PDSS2: variants seen among roughly 807,000 people sequenced by gnomAD.
PDSS2 encodes all trans-polyprenyl-diphosphate synthase PDSS2.
Under a neutral mutation model 44.5 loss-of-function variants are expected in PDSS2, and 31 were observed. That is an observed-to-expected ratio of 0.70 (90% CI 0.52 to 0.94). PDSS2 has a LOEUF of 0.94. Ranked by LOEUF, PDSS2 falls within the 40% of genes least tolerant of loss-of-function variation. The pLI is 0.00. For missense variants in PDSS2, 452 were observed against 482.2 expected (o/e 0.94, Z 0.59); for synonymous variants, 157 against 180.3 (o/e 0.87, Z 1.03).
chr6:107,293,822 A>T (rs1776423135), intron 2 of PDSS2, among the ~76,000 whole-genome samples: 1 of 152,182 alleles, frequency 6.6e-6, no homozygotes, highest in Non-Finnish European at 1.5e-5. Context: ...AGAAGAAAAG[A>T]TGTGTGATAG....
chr6:107,445,520 A>G (rs1424706387), intron 1 of PDSS2, among the ~76,000 whole-genome samples: 2 of 152,228 alleles, frequency 1.3e-5, no homozygotes, highest in African/African-American at 2.4e-5. Context: ...CATCAAATGC[A>G]TAAATATTCA....
intron 1 of PDSS2, among the ~76,000 whole-genome samples, chr6:107,364,992 C>G (rs181186852): frequency 1.3e-5 from 2 of 152,176 alleles, no homozygotes; most frequent in African/African-American, 4.8e-5. Flanking sequence ...CCCTGCAAAA[C>G]TTTCCTTCAA....
chr6:107,198,989 C>T (rs1772667049), intron 6 of PDSS2, among the ~76,000 whole-genome samples: 1 of 152,076 alleles, frequency 6.6e-6, no homozygotes, highest in Admixed American at 6.5e-5. Flanking sequence ...GAATGAGACC[C>T]TGTCTCAAAA....
At chr6:107,304,288 C>G (rs1776787474) in intron 2 of PDSS2, among the ~76,000 whole-genome samples, 2 of 152,250 alleles carry the variant, frequency 1.3e-5, no homozygotes, top group African/African-American at 4.8e-5. Context: ...TCAGGGTTAT[C>G]TGGGAGTTGC....
At chr6:107,263,138 AT>A (rs1410470469) in intron 3 of PDSS2, among the ~76,000 whole-genome samples, 210 of 147,260 alleles carry the variant, frequency 1.4e-3, no homozygotes, top group African/African-American at 3.6e-3. Context: ...TAGAATGCAG[AT>A]TTTTTTTTTT....
At chr6:107,197,390 C>T (rs896817258) in intron 6 of PDSS2, among the ~76,000 whole-genome samples, 22 of 145,342 alleles carry the variant, frequency 1.5e-4, no homozygotes, top group African/African-American at 3.6e-4. Context: ...AGATAGCTTA[C>T]GGTCAGGAGT....
At chr6:107,424,585 A>G (rs1218387389) in intron 1 of PDSS2, among the ~76,000 whole-genome samples, 1 of 152,148 alleles carries the variant, frequency 6.6e-6, no homozygotes, top group Non-Finnish European at 1.5e-5. Context: ...ACTTACAAGG[A>G]CAAAACTACA....
rs1554245253 is a variant in PDSS2 at position 107,154,797 on chromosome 6, T to C, written c.1042-20A>G. ...TCGCAACTGTTAAGAAACAAATGCATGATAAAAGTCAGTTTTAAAGGTACA... is the reference window on the plus strand; with the variant it reads ...TCGCAACTGTTAAGAAACAAATGCACGATAAAAGTCAGTTTTAAAGGTACA... On this transcript the variant is annotated intron_variant, in intron 7 of 7. Coordinates refer to ENST00000369037, the MANE Select transcript of PDSS2 (RefSeq NM_020381.4). 9.9e-6 allele frequency: 16 copies of C among 1,613,042 alleles called. No individual in the cohort carries two copies. Among genetic ancestry groups the C allele is most frequent in the Non-Finnish European group, 1.2e-5 (14 of 1,179,068 alleles).
intron 1 of PDSS2, among the ~76,000 whole-genome samples, chr6:107,437,697 G>A (rs1781397406): frequency 6.6e-6 from 1 of 151,878 alleles, no homozygotes; most frequent in Non-Finnish European, 1.5e-5. Flanking sequence ...CTGCACACGA[G>A]CTTCACATTC....
intron 1 of PDSS2, among the ~76,000 whole-genome samples, chr6:107,421,229 A>G (rs1415445296): frequency 6.6e-6 from 1 of 152,216 alleles, no homozygotes; most frequent in Non-Finnish European, 1.5e-5. Context: ...GATTTCTCAT[A>G]CCTTGCCAGT....
intron 2 of PDSS2, among the ~76,000 whole-genome samples, chr6:107,304,457 C>T (rs1350347497): frequency 6.6e-6 from 1 of 152,186 alleles, no homozygotes; most frequent in Non-Finnish European, 1.5e-5. Flanking sequence ...TGTATAGAGA[C>T]ACCACATAGC....
chr6:107,406,707 G>A (rs910283824), intron 1 of PDSS2, among the ~76,000 whole-genome samples: 6 of 152,188 alleles, frequency 3.9e-5, no homozygotes, highest in Non-Finnish European at 8.8e-5. Flanking sequence ...AGCTAACTAA[G>A]CCCTTCAGCT....
In PDSS2 at chr6:107,459,387, C is replaced by T. The variant is rs976943587; in HGVS notation, c.-102G>A. 20 of 934,752 alleles carry T rather than the reference C, an allele frequency of 2.1e-5. No homozygotes were observed. In the African/African-American group the frequency reaches 2.4e-4, roughly 11 times the overall value. The allele number at this position is 934,752 out of a possible 1,614,324, so 57.9% of individuals were successfully genotyped here. A position where few individuals can be genotyped will look rare whatever the true frequency, so the allele number is the denominator to read the frequency against. On this transcript the variant is annotated 5_prime_UTR_variant, in exon 1 of 8. Coordinates refer to ENST00000369037, the MANE Select transcript of PDSS2 (RefSeq NM_020381.4). This position sits in a 1 kb window ranked among gnomAD's most constrained non-coding sequence, Gnocchi z 4.3. ...ACTTACAGTAACTAAAAGGAAGCGG[C>T]AATTCTTGACCCTCAGAGTAAGGTG...
chr6:107,363,250 G>A (rs1778837360), intron 1 of PDSS2, among the ~76,000 whole-genome samples: 1 of 152,202 alleles, frequency 6.6e-6, no homozygotes, highest in African/African-American at 2.4e-5. Context: ...AACTGTTGAA[G>A]GATAAATTGT....
At chr6:107,362,617 T>A (rs1329960664) in intron 1 of PDSS2, among the ~76,000 whole-genome samples, 1 of 152,150 alleles carries the variant, frequency 6.6e-6, no homozygotes, top group African/African-American at 2.4e-5. Context: ...TCTAAAATAT[T>A]CAGTATTCAA....
chr6:107,250,859 A>AT (rs1035118645), intron 3 of PDSS2, among the ~76,000 whole-genome samples: 1,971 of 146,798 alleles, frequency 0.013, 53 homozygotes, highest in African/African-American at 0.044. Context: ...ATACAAGTAA[A>AT]TTTTTTTTTT....
chr6:107,315,486 C>T (rs1777171486), intron 2 of PDSS2, among the ~76,000 whole-genome samples: 1 of 152,158 alleles, frequency 6.6e-6, no homozygotes, highest in South Asian at 2.1e-4. Flanking sequence ...ATTTTATTAA[C>T]AGACCTCAGT....
In PDSS2 at chr6:107,455,754, CAAAAAAAA is replaced by C. The variant is rs60783838; in HGVS notation, c.296+3228_296+3235del. Among the ~76,000 whole-genome samples the C allele has an allele frequency of 3.2e-4, 18 of 55,684 alleles. No homozygotes were observed. The East Asian group carries it at 7.6e-3, about 24-fold the overall frequency. 36.5% of individuals were successfully genotyped at this position (55,684 alleles called of 152,430 possible). A position where few individuals can be genotyped will look rare whatever the true frequency, so the allele number is the denominator to read the frequency against. On this transcript the variant is annotated intron_variant, in intron 1 of 7. Coordinates refer to ENST00000369037, the MANE Select transcript of PDSS2 (RefSeq NM_020381.4). ...CTGGCGATAGAGCGAGACTCTGTCTCAAAAAAAAAAAAAAAAAAAAAAAAAAAAACTTA... is the reference window on the plus strand; with the variant it reads ...CTGGCGATAGAGCGAGACTCTGTCTCAAAAAAAAAAAAAAAAAAAAACTTA...
chr6:107,360,586 A>AG (rs72561575), intron 1 of PDSS2, among the ~76,000 whole-genome samples: 146,582 of 152,264 alleles, frequency 0.96, 70,799 homozygotes, highest in East Asian at 1. Flanking sequence ...AACAAAAAAC[A>AG]TCTGGATAAC....
Sources: allele counts gnomAD v4.1 joint callset (sites outside exome capture counted in the v4.1 genomes callset), GRCh38; gene constraint gnomAD v4.1.1; non-coding constraint Gnocchi (gnomAD v3.1); transcripts MANE v1.5; gene names NCBI Gene and HGNC (gene_info 2026-07-23, HGNC 2026-07-21).